RBFOX1: variants seen among roughly 807,000 people sequenced by gnomAD.
RBFOX1 encodes the protein RNA binding protein fox-1 homolog 1.
In RBFOX1, 8 loss-of-function variants were observed where a neutral mutation model predicts 57.7. The ratio of observed to expected loss-of-function variants is 0.14; its 90% CI spans 0.08 to 0.25. The LOEUF is 0.25. Among genes scored for constraint, RBFOX1 ranks in the 10% least tolerant of loss-of-function variants. RBFOX1 has a pLI of 1.00. For missense variants in RBFOX1, 611 were observed against 548.5 expected, an observed-to-expected ratio of 1.11 and a Z score of -1.14; for synonymous variants, 326 against 222.4, an observed-to-expected ratio of 1.47 and a Z score of -4.15.
intron 3 of RBFOX1, among the ~76,000 whole-genome samples, chr16:5,658,791 T>A (rs1450526475): frequency 7.3e-6 from 1 of 136,384 alleles, no homozygotes; most frequent in African/African-American, 3.4e-5. Context: ...TGTATATATA[T>A]AATATATGTG....
chr16:6,578,612 T>TGTGTGTGTGTGTGTGGGG (rs373655762), intron 2 of RBFOX1, among the ~76,000 whole-genome samples: 1 of 147,004 alleles, frequency 6.8e-6, no homozygotes, highest in East Asian at 2.0e-4. Flanking sequence ...TGTGTGTGTG[T>TGTGTGTGTGTGTGTGGGG]GAGCATGGGA....
chr16:5,399,746 ATTT>A (rs1017981989), intron 1 of RBFOX1, among the ~76,000 whole-genome samples: 2 of 130,338 alleles, frequency 1.5e-5, no homozygotes, highest in South Asian at 4.8e-4. Context: ...AAAAAAAAAA[ATTT>A]TTTTTTTTGG....
intron 5 of RBFOX1, among the ~76,000 whole-genome samples, chr16:7,549,952 C>T (rs1601587395): frequency 6.6e-6 from 1 of 152,024 alleles, no homozygotes; most frequent in East Asian, 1.9e-4. Flanking sequence ...TTTTTAGAGA[C>T]AGGGTTTTAC....
At chr16:7,551,092 AAAAAAAAAAAAAAG>A (rs2086296393) in intron 5 of RBFOX1, among the ~76,000 whole-genome samples, 1 of 148,568 alleles carries the variant, frequency 6.7e-6, no homozygotes, top group Non-Finnish European at 1.5e-5. Context: ...GAGACTCAAA[AAAAAAAAAAAAAAG>A]AAAAAAAAAG....
intron 14 of RBFOX1, among the ~76,000 whole-genome samples, chr16:7,677,321 C>T (rs979040025): frequency 1.3e-5 from 2 of 152,100 alleles, no homozygotes; most frequent in African/African-American, 2.4e-5. Flanking sequence ...TGCATTATTA[C>T]AATTCTAAAT....
At chr16:5,456,770 G>A (rs1339237096) in intron 1 of RBFOX1, among the ~76,000 whole-genome samples, 3 of 152,084 alleles carry the variant, frequency 2.0e-5, no homozygotes, top group African/African-American at 7.2e-5. Flanking sequence ...GGGCAGCCCT[G>A]GTCATGTAAT....
intron 1 of RBFOX1, among the ~76,000 whole-genome samples, chr16:6,077,267 G>A (rs1319465988): frequency 6.6e-6 from 1 of 152,120 alleles, no homozygotes; most frequent in African/African-American, 2.4e-5. Flanking sequence ...CAGTTGACAT[G>A]GCAGCTTGGC....
intron 3 of RBFOX1, among the ~76,000 whole-genome samples, chr16:6,829,157 G>A (rs1427147281): frequency 6.6e-6 from 1 of 151,772 alleles, no homozygotes; most frequent in African/African-American, 2.4e-5. Context: ...GAAGGTGGGT[G>A]TAGAAGTTTC....
intron 4 of RBFOX1, among the ~76,000 whole-genome samples, chr16:7,110,253 G>A (rs1048438693): frequency 2.6e-5 from 4 of 151,540 alleles, no homozygotes; most frequent in Non-Finnish European, 5.9e-5. Flanking sequence ...CCAGCTTCTC[G>A]GGGAGGCTGA....
chr16:5,951,996 T>C (rs912521244), intron 4 of RBFOX1, among the ~76,000 whole-genome samples: 8 of 151,410 alleles, frequency 5.3e-5, no homozygotes, highest in African/African-American at 1.9e-4. Context: ...TATATATATA[T>C]GTGTGTGTGT....
chr16:5,894,404 T>G (rs1158852046), intron 4 of RBFOX1, among the ~76,000 whole-genome samples: 1 of 152,104 alleles, frequency 6.6e-6, no homozygotes, highest in Non-Finnish European at 1.5e-5. Context: ...TGCCTCAGCC[T>G]CCCAAGTAGC....
intron 3 of RBFOX1, among the ~76,000 whole-genome samples, chr16:6,668,290 A>G (rs1158990557): frequency 1.3e-5 from 2 of 152,176 alleles, no homozygotes; most frequent in African/African-American, 4.8e-5. Context: ...GAAAGAGTGC[A>G]TGATTGATTA....
intron 3 of RBFOX1, among the ~76,000 whole-genome samples, chr16:6,825,477 T>C (rs78710792): frequency 0.029 from 4,425 of 152,298 alleles, 234 homozygotes; most frequent in Admixed American, 0.12. Context: ...GGGAGTTGTG[T>C]GTTTAGAACA....
chr16:7,114,519 A>G (rs926919661), intron 4 of RBFOX1, among the ~76,000 whole-genome samples: 3 of 152,188 alleles, frequency 2.0e-5, no homozygotes, highest in African/African-American at 4.8e-5. Context: ...GCAGTGGAAC[A>G]TGGTTCCAAA....
chr16:5,262,693 A>G (rs1485340123), intron 1 of RBFOX1, among the ~76,000 whole-genome samples: 5 of 152,200 alleles, frequency 3.3e-5, no homozygotes, highest in Admixed American at 3.3e-4. Flanking sequence ...AGGTTATATT[A>G]GATAAGAGGA....
chr16:6,368,830 A>G (rs2090037364), intron 2 of RBFOX1, among the ~76,000 whole-genome samples: 1 of 152,206 alleles, frequency 6.6e-6, no homozygotes, highest in Non-Finnish European at 1.5e-5. Flanking sequence ...GGTTAAAAGA[A>G]AAACCCAGAA....
chr16:7,095,881 C>T (rs187915437), intron 4 of RBFOX1, among the ~76,000 whole-genome samples: 6 of 151,600 alleles, frequency 4.0e-5, no homozygotes, highest in African/African-American at 9.7e-5. Context: ...GGCGTGGTGG[C>T]GGGTGTCTGT....
At chr16:7,194,637 G>A (rs564818194) in intron 4 of RBFOX1, among the ~76,000 whole-genome samples, 1 of 152,214 alleles carries the variant, frequency 6.6e-6, no homozygotes, top group East Asian at 1.9e-4. Context: ...TTAGAAAGTG[G>A]TGAATTTAGC....
At chr16:5,445,471 G>C (rs996007342) in intron 1 of RBFOX1, among the ~76,000 whole-genome samples, 2 of 152,186 alleles carry the variant, frequency 1.3e-5, no homozygotes, top group Middle Eastern at 3.2e-3. Flanking sequence ...TATAGTAGGT[G>C]ATATTTGTTG....
Sources: gnomAD v4.1 joint callset for allele counts (sites outside exome capture counted in the v4.1 genomes callset) on GRCh38, gnomAD v4.1.1 for gene constraint, MANE v1.5 for transcripts, NCBI Gene and HGNC (gene_info 2026-07-23, HGNC 2026-07-21) for gene names.